Variants in CELF2 observed in about 807,000 individuals in gnomAD.
CELF2 encodes CUGBP Elav-like family member 2.
In CELF2, 8 loss-of-function variants were observed where a neutral mutation model predicts 62.6. The observed-to-expected ratio is 0.13, with a 90% CI of 0.07 to 0.23. The LOEUF (loss-of-function observed/expected upper bound fraction) is 0.23, where lower values mean the gene tolerates loss of function less well. Among genes scored for constraint, CELF2 ranks in the 10% least tolerant of loss-of-function variants. CELF2 has a pLI of 1.00. For missense variants in CELF2, 333 were observed against 671.0 expected (o/e 0.50, Z 5.56); for synonymous variants, 258 against 250.0 (o/e 1.03, Z -0.30).
the CELF2 span, among the ~76,000 whole-genome samples, chr10:10,605,951 T>C: frequency 2.0e-5 from 3 of 152,218 alleles, no homozygotes; most frequent in Non-Finnish European, 2.9e-5. Flanking sequence ...CTGTAATGTA[T>C]GATCTATGCT....
At chr10:10,920,730 G>C (rs1489587261) in intron 2 of CELF2, among the ~76,000 whole-genome samples, 1 of 149,156 alleles carries the variant, frequency 6.7e-6, no homozygotes, top group African/African-American at 2.5e-5. Flanking sequence ...AGGGAGGAAA[G>C]GAGAAGAGAT....
chr10:10,475,410 G>A, the CELF2 span, among the ~76,000 whole-genome samples: 8 of 151,552 alleles, frequency 5.3e-5, no homozygotes, highest in African/African-American at 1.9e-4. Context: ...TAAAACTGGT[G>A]AAGGTACTGA....
the CELF2 span, among the ~76,000 whole-genome samples, chr10:10,717,151 C>T: frequency 2.6e-5 from 4 of 151,908 alleles, no homozygotes; most frequent in South Asian, 2.1e-4. Context: ...AGAAACACAG[C>T]GGGATAAAAA....
chr10:10,775,748 G>A, the CELF2 span, among the ~76,000 whole-genome samples: 1 of 152,200 alleles, frequency 6.6e-6, no homozygotes, highest in East Asian at 1.9e-4. Context: ...GGAGACCAAT[G>A]AGGAGTGATT....
In CELF2 at chr10:10,838,106, A is replaced by C. The variant is rs80128496; in HGVS notation, c.53+39289A>C. 9.3e-4 allele frequency among the ~76,000 whole-genome samples: 142 copies of C among 152,266 alleles called. No individual in the cohort carries two copies. In the East Asian group the frequency reaches 0.024, roughly 26 times the overall value. On this transcript the variant is annotated intron_variant, in intron 1 of 13. Coordinates refer to the CELF2 transcript ENST00000636488. ...TCCTTGGGTTCTTCTTGGTTGGGAC[A>C]GTTGCTTAGACCTCCCTTGGTTTTG...
the CELF2 span, among the ~76,000 whole-genome samples, chr10:10,722,960 A>G: frequency 6.6e-6 from 1 of 152,196 alleles, no homozygotes; most frequent in Non-Finnish European, 1.5e-5. Context: ...CTCTTCCTTC[A>G]TTTTGGATGT....
At chr10:11,122,044 T>C (rs1230550395) in intron 1 of CELF2, among the ~76,000 whole-genome samples, 1 of 152,232 alleles carries the variant, frequency 6.6e-6, no homozygotes, top group East Asian at 1.9e-4. Context: ...CACACCCAGG[T>C]GAGGTACACT....
chr10:11,109,973 C>G (rs1194507456), intron 1 of CELF2, among the ~76,000 whole-genome samples: 1 of 152,066 alleles, frequency 6.6e-6, no homozygotes, highest in African/African-American at 2.4e-5. Flanking sequence ...AAAAAATGAA[C>G]CTGGGCTGGA....
chr10:10,719,213 T>C, the CELF2 span, among the ~76,000 whole-genome samples: 1 of 151,932 alleles, frequency 6.6e-6, no homozygotes, highest in Non-Finnish European at 1.5e-5. Flanking sequence ...CCACCTCGGC[T>C]TCTCAAAGTG....
chr10:10,805,463 A>T (rs1314051078), intron 1 of CELF2, among the ~76,000 whole-genome samples: 2 of 152,134 alleles, frequency 1.3e-5, no homozygotes, highest in Admixed American at 6.5e-5. Context: ...ACTTTTAAAA[A>T]TTTTTTGCAG....
rs1423411861 is a variant in CELF2, at chr10:10,936,517, C to G, written c.89+16518C>G. The G allele has an allele frequency of 6.6e-6, 1 of 152,190 alleles. No homozygotes were observed. The highest frequency in any genetic ancestry group is 2.4e-5 in the African/African-American group (1 of 41,424). The allele number at this position is 152,190 out of a possible 1,614,324, so 9.4% of individuals were successfully genotyped here. ...GACCACACTGTGTGGGATCACTGGACAAGCTAACATTTTCTTGGGGTGGAT... is the reference window on the plus strand; with the variant it reads ...GACCACACTGTGTGGGATCACTGGAGAAGCTAACATTTTCTTGGGGTGGAT... On this transcript the variant is annotated intron_variant, in intron 2 of 13. Coordinates refer to the CELF2 transcript ENST00000636488. The surrounding 1 kb of genome is among the most constrained non-coding windows in gnomAD (Gnocchi z 4.0).
the CELF2 span, among the ~76,000 whole-genome samples, chr10:10,778,285 G>A: frequency 1.3e-5 from 2 of 152,316 alleles, no homozygotes; most frequent in African/African-American, 4.8e-5. Context: ...AGAATATGAA[G>A]CATCTCAATG....
chr10:11,195,431 C>G (rs2057207230), intron 2 of CELF2, among the ~76,000 whole-genome samples: 1 of 152,112 alleles, frequency 6.6e-6, no homozygotes, highest in South Asian at 2.1e-4. Context: ...ACTTAGGTAC[C>G]GTTTCTTTCA....
the CELF2 span, among the ~76,000 whole-genome samples, chr10:10,723,942 A>G: frequency 3.0e-3 from 459 of 152,318 alleles, 3 homozygotes; most frequent in African/African-American, 0.011. Context: ...TGATTATTTC[A>G]TCTCCAATGT....
intron 2 of CELF2, among the ~76,000 whole-genome samples, chr10:11,182,021 T>C (rs1256713806): frequency 1.3e-5 from 2 of 152,240 alleles, no homozygotes; most frequent in Non-Finnish European, 2.9e-5. Flanking sequence ...AGAATCATTT[T>C]AGGGTGTCAC....
At chr10:11,126,005 C>G (rs1287689732) in intron 1 of CELF2, among the ~76,000 whole-genome samples, 1 of 152,194 alleles carries the variant, frequency 6.6e-6, no homozygotes, top group Non-Finnish European at 1.5e-5. Context: ...GTCTTCCCAT[C>G]ACTCAGAATA....
At chr10:10,857,353 T>G (rs12268503) in intron 1 of CELF2, among the ~76,000 whole-genome samples, 5,848 of 151,714 alleles carry the variant, frequency 0.039, 237 homozygotes, top group African/African-American at 0.099. Flanking sequence ...AGCAGACCAG[T>G]CAGTAGAGAC....
In CELF2 at chr10:10,928,858, A is replaced by C. The variant is rs2065797702; in HGVS notation, c.89+8859A>C. ...CTATTACTATTTGTTGTTTGTCCCC[A>C]GTGCCTAGCAGTGCCTGGAACATAG... On this transcript the variant is annotated intron_variant, in intron 2 of 13. Coordinates refer to the CELF2 transcript ENST00000636488. The surrounding 1 kb of genome is among the most constrained non-coding windows in gnomAD (Gnocchi z 4.8). Among the ~76,000 whole-genome samples the C allele has an allele frequency of 6.6e-6, 1 of 152,212 alleles. No individual in the cohort carries two copies. The highest frequency in any genetic ancestry group is 2.4e-5 in the African/African-American group (1 of 41,462).
chr10:10,772,517 C>A, the CELF2 span, among the ~76,000 whole-genome samples: 1 of 152,204 alleles, frequency 6.6e-6, no homozygotes, highest in Admixed American at 6.5e-5. Context: ...TCGATAAACA[C>A]TGCTGCCTAG....
Sources: gnomAD v4.1 joint callset for allele counts (sites outside exome capture counted in the v4.1 genomes callset) on GRCh38, gnomAD v4.1.1 for gene constraint, Gnocchi (gnomAD v3.1) non-coding constraint, MANE v1.5 for transcripts, NCBI Gene and HGNC (gene_info 2026-07-23, HGNC 2026-07-21) for gene names.